The following ADGRL3 variants were observed in gnomAD, a reference collection of about 807,000 sequenced individuals.
ADGRL3 encodes the protein adhesion G protein-coupled receptor L3.
ADGRL3 carries 62 observed loss-of-function variants against 153.5 expected under a neutral mutation model. That is an observed-to-expected ratio of 0.40 (90% CI 0.33 to 0.50). ADGRL3 has a LOEUF of 0.50. ADGRL3 is among the 20% of genes least tolerant of loss of function. The pLI is 0.47. For synonymous variants in ADGRL3, 710 were observed against 672.5 expected (o/e 1.06, Z -0.86); for missense variants, 1,641 against 1,859.4 (o/e 0.88, Z 2.16).
intron 1 of ADGRL3, among the ~76,000 whole-genome samples, chr4:61,340,027 T>TTC: frequency 6.6e-6 from 1 of 152,164 alleles, no homozygotes; most frequent in Non-Finnish European, 1.5e-5. Context: ...GGCGGCTGTG[T>TTC]AAAGAGTGTG....
chr4:61,834,609 C>T (rs1046703143), intron 9 of ADGRL3, among the ~76,000 whole-genome samples: 1 of 152,044 alleles, frequency 6.6e-6, no homozygotes, highest in Non-Finnish European at 1.5e-5. Flanking sequence ...GGGAAAAGGC[C>T]ATCAAGGGCT....
At chr4:61,615,405 G>T (rs2091883017) in intron 5 of ADGRL3, among the ~76,000 whole-genome samples, 1 of 151,968 alleles carries the variant, frequency 6.6e-6, no homozygotes, top group African/African-American at 2.4e-5. Context: ...CGGTAAAAGG[G>T]TCTGTGAGAA....
At chr4:61,880,925 T>C (rs1282981872) in intron 9 of ADGRL3, among the ~76,000 whole-genome samples, 1 of 152,202 alleles carries the variant, frequency 6.6e-6, no homozygotes, top group Non-Finnish European at 1.5e-5. Context: ...GCTTTAACTC[T>C]ACAACCCACG....
intron 11 of ADGRL3, among the ~76,000 whole-genome samples, chr4:61,897,732 C>A (rs573652996): frequency 6.6e-5 from 10 of 152,186 alleles, no homozygotes; most frequent in Non-Finnish European, 1.3e-4. Context: ...ACCTCCCCAG[C>A]TGTCTTTCAT....
chr4:61,826,778 G>C (rs1286147644), intron 9 of ADGRL3, among the ~76,000 whole-genome samples: 2 of 151,952 alleles, frequency 1.3e-5, no homozygotes, highest in South Asian at 4.2e-4. Context: ...AGGGTTGGGG[G>C]AGAGGGGAGG....
chr4:61,691,118 C>A (rs965554934), intron 6 of ADGRL3, among the ~76,000 whole-genome samples: 9 of 152,114 alleles, frequency 5.9e-5, no homozygotes, highest in Admixed American at 2.0e-4. Context: ...GAACTCTGTA[C>A]TTCTTAATTC....
At chr4:61,888,964 G>T (rs1329130884) in intron 9 of ADGRL3, among the ~76,000 whole-genome samples, 1 of 151,930 alleles carries the variant, frequency 6.6e-6, no homozygotes, top group Non-Finnish European at 1.5e-5. Flanking sequence ...AATTTTTTCA[G>T]TCTGTTAATT....
rs1460388999 is a variant in ADGRL3, at chr4:61,912,738, C to G, written c.2093C>G (p.Ser698Cys). 6.2e-7 allele frequency: 1 copy of G among 1,613,258 alleles called. No individual in the cohort carries two copies. Among genetic ancestry groups the G allele is most frequent in the Non-Finnish European group, 8.5e-7 (1 of 1,179,472 alleles). ...SLNKLQKRERSCRAYVQAMVE... is the reference protein window; with the variant it reads ...SLNKLQKRERCCRAYVQAMVE... ...ATTCAGCTTCAGAAAAGAGAGCGCT[C>G]TTGCAGAGCCTATGTCCAGGTACTT... Residue 698 changes from serine to cysteine, a missense_variant, in exon 13 of 27, where the codon TCT (serine) becomes TGT (cysteine). Physicochemically the swap from Ser to Cys is moderately radical, Grantham distance 112. This residue lies in a region of ADGRL3 where 734 missense variants were observed against 797.0 expected (regional missense o/e 0.92). Coordinates refer to ENST00000683033, the MANE Select transcript of ADGRL3 (RefSeq NM_001387552.1).
intron 9 of ADGRL3, among the ~76,000 whole-genome samples, chr4:61,852,307 T>A (rs1411758377): frequency 0.018 from 2,680 of 151,632 alleles, 82 homozygotes; most frequent in African/African-American, 0.056. Flanking sequence ...TATTTTATTT[T>A]ATTTTATTTT....
At chr4:61,397,129 T>G (rs1352212664) in intron 2 of ADGRL3, among the ~76,000 whole-genome samples, 1 of 151,908 alleles carries the variant, frequency 6.6e-6, no homozygotes, top group Non-Finnish European at 1.5e-5. Flanking sequence ...CATCAAATTT[T>G]ATGACATTAT....
intron 2 of ADGRL3, among the ~76,000 whole-genome samples, chr4:61,470,764 G>A (rs2097940596): frequency 6.6e-6 from 1 of 151,722 alleles, no homozygotes; most frequent in Admixed American, 6.6e-5. Context: ...AAATGAAGTT[G>A]ATAAGGGAGG....
intron 1 of ADGRL3, among the ~76,000 whole-genome samples, chr4:61,261,189 CT>C (rs56862136): frequency 0.68 from 80,677 of 118,092 alleles, 24,917 homozygotes; most frequent in East Asian, 0.73. Context: ...TCATCTTCTT[CT>C]TTTTTTTTTT....
intron 1 of ADGRL3, among the ~76,000 whole-genome samples, chr4:61,380,923 AC>A (rs1320444599): frequency 6.6e-6 from 1 of 152,018 alleles, no homozygotes; most frequent in East Asian, 1.9e-4. Context: ...TTGATATAAT[AC>A]CTTTTCCTGC....
At chr4:61,774,921 G>A (rs1168979575) in intron 8 of ADGRL3, among the ~76,000 whole-genome samples, 1 of 152,178 alleles carries the variant, frequency 6.6e-6, no homozygotes, top group African/African-American at 2.4e-5. Flanking sequence ...GCTGTAGTTA[G>A]TAAGGTTTAT....
chr4:61,417,393 G>T (rs1315151850), intron 2 of ADGRL3, among the ~76,000 whole-genome samples: 2 of 151,986 alleles, frequency 1.3e-5, no homozygotes, highest in East Asian at 3.9e-4. Context: ...CGCTGAGGTG[G>T]GAGGATCACT....
At chr4:61,915,437 T>A (rs771260724) in intron 13 of ADGRL3, among the ~76,000 whole-genome samples, 1 of 151,978 alleles carries the variant, frequency 6.6e-6, no homozygotes, top group Non-Finnish European at 1.5e-5. Context: ...AGGATTGTTT[T>A]TGATTGCAAT....
chr4:61,284,340 C>T (rs1405718088), intron 1 of ADGRL3, among the ~76,000 whole-genome samples: 4 of 151,882 alleles, frequency 2.6e-5, no homozygotes, highest in East Asian at 3.9e-4. Flanking sequence ...CTTCCTTAAC[C>T]GCTGAGACAA....
chr4:61,768,720 A>G (rs2097038733), intron 8 of ADGRL3, among the ~76,000 whole-genome samples: 1 of 114,714 alleles, frequency 8.7e-6, no homozygotes, highest in Non-Finnish European at 1.8e-5. Context: ...AGGCTAAGGG[A>G]GAAGAAAGAG....
At chr4:61,359,042 C>A (rs955525656) in intron 1 of ADGRL3, among the ~76,000 whole-genome samples, 1 of 152,120 alleles carries the variant, frequency 6.6e-6, no homozygotes, top group Non-Finnish European at 1.5e-5. Flanking sequence ...AAAATGACAA[C>A]TCCTTTCTTT....
Sources: allele counts gnomAD v4.1 joint callset (sites outside exome capture counted in the v4.1 genomes callset), GRCh38; gene constraint gnomAD v4.1.1; regional missense constraint gnomAD v4.1.1; transcripts MANE v1.5; gene names NCBI Gene and HGNC (gene_info 2026-07-23, HGNC 2026-07-21).